KALRN: variants seen among roughly 807,000 people sequenced by gnomAD.
The protein encoded by KALRN is kalirin RhoGEF kinase, also known as kalirin.
Under a neutral mutation model 353.7 loss-of-function variants are expected in KALRN, and 70 were observed. The ratio of observed to expected loss-of-function variants is 0.20; its 90% CI spans 0.16 to 0.24. KALRN has a LOEUF of 0.24. KALRN is among the 10% of genes least tolerant of loss of function. The probability of loss-of-function intolerance (pLI) is 1.00; values close to 1 mark genes in which losing one functional copy is unlikely to be tolerated. For missense variants in KALRN, 2,791 were observed against 3,756.7 expected, an observed-to-expected ratio of 0.74 and a Z score of 6.72; for synonymous variants, 1,391 against 1,434.8, an observed-to-expected ratio of 0.97 and a Z score of 0.69.
rs139843692 is a variant in KALRN at position 124,666,495 on chromosome 3, A to G, written c.6392A>G (p.Tyr2131Cys). The G allele has an allele frequency of 8.1e-4, 1,315 of 1,613,986 alleles. 11 individuals carry two copies. Among genetic ancestry groups the G allele is most frequent in the South Asian group, 4.2e-3 (379 of 91,070 alleles). Residue 2131 changes from tyrosine to cysteine, a missense_variant, in exon 46 of 60, where the codon TAT becomes TGT. Tyr to Cys is a radical substitution (Grantham distance 194, BLOSUM62 -2). This residue lies in a region of KALRN where 1,065 missense variants were observed against 1,156.4 expected (regional missense o/e 0.92). Transcript: ENST00000682506. ...AAGCTGCTGCAGCAGGACACATTCT[A>G]TGTGATCGAGCTGGATGCAGGCATG... ...QGKLLQQDTF[Y>C]VIELDAGMQS...
intron 1 of KALRN, among the ~76,000 whole-genome samples, chr3:124,124,736 G>A (rs114515784): frequency 0.01 from 1,529 of 152,238 alleles, 23 homozygotes; most frequent in African/African-American, 0.032. Context: ...ACCCTCCACC[G>A]GTAAAAAGAT....
chr3:124,341,360 G>T (rs1364014077), intron 9 of KALRN, among the ~76,000 whole-genome samples: 2 of 152,208 alleles, frequency 1.3e-5, no homozygotes, highest in Non-Finnish European at 2.9e-5. Context: ...GACGAGCAGG[G>T]CAGGGACCTT....
chr3:124,240,172 G>A (rs979270538), intron 3 of KALRN, among the ~76,000 whole-genome samples: 1 of 152,208 alleles, frequency 6.6e-6, no homozygotes, highest in South Asian at 2.1e-4. Flanking sequence ...CTACCATGCT[G>A]CTAGGAAACA....
At chr3:124,256,595 C>T (rs1465526332) in intron 3 of KALRN, among the ~76,000 whole-genome samples, 3 of 152,146 alleles carry the variant, frequency 2.0e-5, no homozygotes, top group Non-Finnish European at 4.4e-5. Flanking sequence ...GCTAGGCTAC[C>T]ATTAGTGAAA....
chr3:124,173,991 A>G (rs768249216), intron 1 of KALRN, among the ~76,000 whole-genome samples: 11 of 152,202 alleles, frequency 7.2e-5, no homozygotes, highest in Non-Finnish European at 1.5e-4. Context: ...ATAGACTGGG[A>G]TGAGATTCAC....
chr3:124,526,574 CA>C (rs2067610295), intron 33 of KALRN, among the ~76,000 whole-genome samples: 1 of 151,718 alleles, frequency 6.6e-6, no homozygotes, highest in South Asian at 2.1e-4. Context: ...GACTGTGTCT[CA>C]AAAAATAATA....
At chr3:124,716,197 T>C (rs1336106048) in intron 58 of KALRN, among the ~76,000 whole-genome samples, 1 of 152,042 alleles carries the variant, frequency 6.6e-6, no homozygotes, top group African/African-American at 2.4e-5. Context: ...GTTCTCAAGG[T>C]TGGAAAAGTT....
Position 124,720,812 on chromosome 3 carries a change from T to C in KALRN, c.*1342T>C, listed in dbSNP as rs886677166. 1 of 152,366 alleles carries C rather than the reference T, an allele frequency of 6.6e-6. No homozygotes were observed. Among genetic ancestry groups the C allele is most frequent in the East Asian group, 1.9e-4 (1 of 5,192 alleles). The allele number at this position is 152,366 out of a possible 1,614,324, so 9.4% of individuals were successfully genotyped here. On this transcript the variant is annotated 3_prime_UTR_variant, in exon 60 of 60. Coordinates refer to ENST00000682506, the MANE Select transcript of KALRN (RefSeq NM_001388419.1). ...AAAAAAATTAAACCTGGGCATTTCA[T>C]GGGTTTTCTTTCTTTATTTTTGTTC...
intron 10 of KALRN, among the ~76,000 whole-genome samples, chr3:124,357,993 A>T (rs894731246): frequency 3.3e-5 from 5 of 152,298 alleles, no homozygotes; most frequent in South Asian, 2.1e-4. Context: ...ATGAATATTT[A>T]TAAGAACACA....
At chr3:124,662,390 T>C (rs2085004078) in intron 45 of KALRN, among the ~76,000 whole-genome samples, 1 of 151,842 alleles carries the variant, frequency 6.6e-6, no homozygotes, top group Non-Finnish European at 1.5e-5. Flanking sequence ...TTTTTTATAT[T>C]ATAAAGATGG....
intron 51 of KALRN, among the ~76,000 whole-genome samples, chr3:124,683,167 T>C: frequency 6.6e-6 from 1 of 152,174 alleles, no homozygotes; most frequent in East Asian, 1.9e-4. Flanking sequence ...AACACAAGGG[T>C]ACCTTAGGAA....
chr3:124,363,912 C>A (rs1197035469), intron 10 of KALRN, among the ~76,000 whole-genome samples: 1 of 152,254 alleles, frequency 6.6e-6, no homozygotes, highest in Non-Finnish European at 1.5e-5. Context: ...CAGCATGATG[C>A]TTTGCATTTA....
chr3:124,706,419 C>T (rs1445148034), intron 57 of KALRN, among the ~76,000 whole-genome samples: 1 of 152,218 alleles, frequency 6.6e-6, no homozygotes, highest in Non-Finnish European at 1.5e-5. Flanking sequence ...AGGGCTCTTT[C>T]TCTGGGAACT....
At chr3:124,257,324 C>T (rs564005104) in intron 3 of KALRN, among the ~76,000 whole-genome samples, 2 of 152,272 alleles carry the variant, frequency 1.3e-5, no homozygotes, top group South Asian at 4.1e-4. Flanking sequence ...AGCTTTATCC[C>T]AGACCAACAT....
At chr3:124,663,846 A>G (rs1027107526) in intron 45 of KALRN, among the ~76,000 whole-genome samples, 19 of 152,182 alleles carry the variant, frequency 1.2e-4, no homozygotes, top group African/African-American at 4.3e-4. Flanking sequence ...ACGGGATAGT[A>G]TATTTAAGTT....
intron 33 of KALRN, among the ~76,000 whole-genome samples, chr3:124,517,334 G>T (rs1455797009): frequency 6.6e-6 from 1 of 152,126 alleles, no homozygotes; most frequent in East Asian, 1.9e-4. Context: ...CTCACTAAAT[G>T]AACAGTTTTT....
At chr3:124,385,284 T>C (rs1176257831) in intron 11 of KALRN, among the ~76,000 whole-genome samples, 5 of 152,202 alleles carry the variant, frequency 3.3e-5, no homozygotes, top group Admixed American at 3.3e-4. Flanking sequence ...TCGGGGCATC[T>C]GCTAGAGCAT....
chr3:124,392,798 T>G (rs933524686), intron 11 of KALRN, among the ~76,000 whole-genome samples: 37 of 151,758 alleles, frequency 2.4e-4, no homozygotes, highest in African/African-American at 8.7e-4. Flanking sequence ...TATTTTTTTT[T>G]TATTATACTT....
intron 56 of KALRN, 27 bp downstream of exon 56, chr3:124,700,060 C>G: frequency 6.2e-7 from 1 of 1,611,200 alleles, no homozygotes; most frequent in Non-Finnish European, 8.5e-7. Context: ...CCCTGGCCCC[C>G]CAGGCAGTGG....
Sources: gnomAD v4.1 joint callset for allele counts (sites outside exome capture counted in the v4.1 genomes callset) on GRCh38, gnomAD v4.1.1 for gene constraint, gnomAD v4.1.1 regional missense constraint, MANE v1.5 for transcripts, NCBI Gene and HGNC (gene_info 2026-07-23, HGNC 2026-07-21) for gene names.